The following GAS7 variants were observed in gnomAD, a reference collection of about 807,000 sequenced individuals.
GAS7 encodes the protein growth arrest specific 7.
A neutral mutation model predicts 71.1 loss-of-function variants in GAS7; 28 were observed. The observed-to-expected ratio is 0.39, with a 90% CI of 0.29 to 0.54. The LOEUF (loss-of-function observed/expected upper bound fraction) is 0.54. GAS7 is among the 20% of genes least tolerant of loss of function. GAS7 has a pLI of 0.62. For missense variants in GAS7, 436 were observed against 627.8 expected (o/e 0.69, Z 3.27); for synonymous variants, 258 against 245.8 (o/e 1.05, Z -0.46).
Position 9,959,530 on chromosome 17 carries a change from T to C in GAS7, c.472-275A>G. ...CAGGTCTCCCCTCCTCTTCTCTCAG[T>C]CTGTGATTTGGGGAGTTAACCCCTC... On this transcript the variant is annotated intron_variant, in intron 4 of 13. Transcript: ENST00000432992. This position sits in a 1 kb window ranked among gnomAD's most constrained non-coding sequence, Gnocchi z 5.0. 8.5e-7 allele frequency: 1 copy of C among 1,180,076 alleles called. No individual in the cohort carries two copies. The highest frequency in any genetic ancestry group is 2.8e-5 in the East Asian group (1 of 35,570). The allele number at this position is 1,180,076 out of a possible 1,614,324, so 73.1% of individuals were successfully genotyped here.
intron 12 of GAS7, among the ~76,000 whole-genome samples, chr17:9,918,464 G>A (rs1360081872): frequency 3.9e-5 from 6 of 152,338 alleles, no homozygotes; most frequent in East Asian, 1.9e-4. Context: ...AAAGCGACAC[G>A]GAATTATGGG....
At chr17:10,190,572 T>C (rs970036473) in intron 1 of GAS7, among the ~76,000 whole-genome samples, 1 of 142,140 alleles carries the variant, frequency 7.0e-6, no homozygotes, top group Admixed American at 7.2e-5. Flanking sequence ...AGAGCAAGAC[T>C]CCGTCTCAAA....
chr17:10,132,716 C>G (rs1471662524), intron 1 of GAS7, among the ~76,000 whole-genome samples: 1 of 151,808 alleles, frequency 6.6e-6, no homozygotes, highest in Non-Finnish European at 1.5e-5. Context: ...TGCAGTGAGC[C>G]AAGATTGTAC....
At chr17:10,123,704 C>T (rs1296006746) in intron 1 of GAS7, among the ~76,000 whole-genome samples, 3 of 152,224 alleles carry the variant, frequency 2.0e-5, no homozygotes, top group Non-Finnish European at 2.9e-5. Flanking sequence ...CCCCAACAAA[C>T]GTGGGCTCCA....
chr17:10,083,518 G>T (rs964452605), intron 1 of GAS7, among the ~76,000 whole-genome samples: 10 of 152,240 alleles, frequency 6.6e-5, no homozygotes, highest in African/African-American at 2.2e-4. Flanking sequence ...CGCAGGAGGT[G>T]CCCTGCCCAG....
intron 1 of GAS7, among the ~76,000 whole-genome samples, chr17:10,050,004 A>G (rs28573099): frequency 0.28 from 43,127 of 152,106 alleles, 8,316 homozygotes; most frequent in African/African-American, 0.56. Flanking sequence ...AATATACACA[A>G]CATAAAAAAG....
intron 5 of GAS7, among the ~76,000 whole-genome samples, chr17:9,957,576 TC>T (rs1205827093): frequency 2.7e-5 from 4 of 147,156 alleles, no homozygotes; most frequent in Non-Finnish European, 4.5e-5. Flanking sequence ...CACTCCGACC[TC>T]CCCCCCTTTC....
intron 1 of GAS7, among the ~76,000 whole-genome samples, chr17:10,038,056 A>T (rs2072788898): frequency 7.1e-6 from 1 of 141,428 alleles, no homozygotes; most frequent in Admixed American, 7.1e-5. Context: ...ACAGGTTCTT[A>T]AAAAAAAAAA....
intron 1 of GAS7, among the ~76,000 whole-genome samples, chr17:10,177,174 G>C (rs1042685233): frequency 2.9e-4 from 44 of 152,294 alleles, no homozygotes; most frequent in African/African-American, 9.9e-4. Context: ...CTGGGGGAGA[G>C]CAAAGGCCAC....
intron 2 of GAS7, among the ~76,000 whole-genome samples, chr17:9,985,014 C>CT (rs916981762): frequency 6.6e-6 from 1 of 152,034 alleles, no homozygotes; most frequent in African/African-American, 2.4e-5. Context: ...CCCTCTCCTC[C>CT]GAGTCTCCTG....
At chr17:10,018,894 G>A (rs1264202898) in intron 2 of GAS7, among the ~76,000 whole-genome samples, 1 of 152,170 alleles carries the variant, frequency 6.6e-6, no homozygotes, top group African/African-American at 2.4e-5. Context: ...GCATGTCTGT[G>A]ATTCCCACTA....
At chr17:9,975,529 T>TCCC (rs1172386025) in intron 3 of GAS7, among the ~76,000 whole-genome samples, 1 of 139,476 alleles carries the variant, frequency 7.2e-6, no homozygotes, top group Admixed American at 7.0e-5. Context: ...TCCTTCTTTC[T>TCCC]CACCCCCCCC....
intron 1 of GAS7, among the ~76,000 whole-genome samples, chr17:10,189,453 T>G (rs1179138626): frequency 6.6e-6 from 1 of 152,166 alleles, no homozygotes; most frequent in Admixed American, 6.6e-5. Context: ...GCTTTTCCAC[T>G]GCATTTAGAA....
In GAS7 at chr17:9,919,919, C is replaced by T. The variant is rs1226235965; in HGVS notation, c.1139-214G>A. Among the ~76,000 whole-genome samples, 2 of 152,006 alleles carry T rather than the reference C, an allele frequency of 1.3e-5. No homozygotes were observed. Among genetic ancestry groups the T allele is most frequent in the African/African-American group, 4.8e-5 (2 of 41,360 alleles). ...CCATGAGAACCCAGCTCAGGTGTCC[C>T]CCTGAAGCCTGACCCCAGATACCAA... On this transcript the variant is annotated intron_variant, in intron 11 of 13. Coordinates refer to ENST00000432992, the MANE Select transcript of GAS7 (RefSeq NM_201433.2). The surrounding 1 kb of genome is among the most constrained non-coding windows in gnomAD (Gnocchi z 5.0).
intron 1 of GAS7, among the ~76,000 whole-genome samples, chr17:10,075,370 A>G (rs942800854): frequency 6.6e-6 from 1 of 151,894 alleles, no homozygotes; most frequent in Non-Finnish European, 1.5e-5. Context: ...AAAAAAAAAG[A>G]AAAAGGAAAT....
chr17:10,063,685 A>G (rs191369758), intron 1 of GAS7, among the ~76,000 whole-genome samples: 1 of 152,248 alleles, frequency 6.6e-6, no homozygotes, highest in Admixed American at 6.5e-5. Context: ...TACGACACTG[A>G]GGGCTCAGCC....
At chr17:10,006,430 T>C (rs1224213519) in intron 2 of GAS7, among the ~76,000 whole-genome samples, 6 of 142,524 alleles carry the variant, frequency 4.2e-5, no homozygotes, top group Non-Finnish European at 9.1e-5. Context: ...CCTGGGTCCA[T>C]GCCATTCTCC....
In GAS7 at chr17:9,934,147, G is replaced by T; in HGVS notation, c.885+19C>A. ...CCAGTGTGTAAGACCAACTGAGGGT[G>T]GCTGCAGGGAGGGGTTACCTTGGCA... On this transcript the variant is annotated intron_variant, in intron 9 of 13. Coordinates refer to ENST00000432992, the MANE Select transcript of GAS7 (RefSeq NM_201433.2). 1 of 1,543,986 alleles carries T rather than the reference G, an allele frequency of 6.5e-7. No homozygotes were observed. The highest frequency in any genetic ancestry group is 9.0e-7 in the Non-Finnish European group (1 of 1,115,718).
At position 10,150,753 on chromosome 17, in the gene GAS7, C is replaced by T. The variant is rs145352875; in HGVS notation, c.183+47455G>A. On this transcript the variant is annotated intron_variant, in intron 1 of 13. Coordinates refer to ENST00000432992, the MANE Select transcript of GAS7 (RefSeq NM_201433.2). ...ACAGGCATGCATCACTACCGCCCAG[C>T]TAATTTTATATTTTTAATACAGACA... 2.4e-3 allele frequency among the ~76,000 whole-genome samples: 364 copies of T among 151,914 alleles called. 2 individuals are homozygous for T. The highest frequency in any genetic ancestry group is 6.8e-3 in the Middle Eastern group (2 of 294).
Sources: gnomAD v4.1 joint callset for allele counts (sites outside exome capture counted in the v4.1 genomes callset) on GRCh38, gnomAD v4.1.1 for gene constraint, Gnocchi (gnomAD v3.1) non-coding constraint, MANE v1.5 for transcripts, NCBI Gene and HGNC (gene_info 2026-07-23, HGNC 2026-07-21) for gene names.